Variants in DOCK2 observed in about 807,000 individuals in gnomAD.
The protein encoded by DOCK2 is dedicator of cytokinesis 2, also known as dedicator of cytokinesis protein 2.
DOCK2 carries 87 observed loss-of-function variants against 248.9 expected under a neutral mutation model. The ratio of observed to expected loss-of-function variants is 0.35; its 90% CI spans 0.29 to 0.42. The LOEUF (loss-of-function observed/expected upper bound fraction) is 0.42. Ranked by LOEUF, DOCK2 falls within the 10% of genes least tolerant of loss-of-function variation. The probability of loss-of-function intolerance (pLI) is 1.00; values close to 1 mark genes in which losing one functional copy is unlikely to be tolerated. For synonymous variants in DOCK2, 805 were observed against 821.6 expected (o/e 0.98, Z 0.35); for missense variants, 1,747 against 2,300.2 (o/e 0.76, Z 4.92).
At chr5:169,859,994 A>C (rs1771106570) in intron 27 of DOCK2, among the ~76,000 whole-genome samples, 1 of 129,608 alleles carries the variant, frequency 7.7e-6, no homozygotes, top group African/African-American at 3.0e-5. Flanking sequence ...TTTTTGAGAC[A>C]GACTATTGCT....
At chr5:169,834,759 C>T (rs944496655) in intron 26 of DOCK2, among the ~76,000 whole-genome samples, 5 of 152,250 alleles carry the variant, frequency 3.3e-5, no homozygotes, top group Non-Finnish European at 5.9e-5. Context: ...CATGCTCAGT[C>T]GGTGATCACC....
At chr5:170,066,971 G>A (rs971969662) in intron 44 of DOCK2, among the ~76,000 whole-genome samples, 3 of 152,124 alleles carry the variant, frequency 2.0e-5, no homozygotes, top group Non-Finnish European at 4.4e-5. Flanking sequence ...ACTTTTTGCC[G>A]GTTAGCTTTT....
chr5:169,848,845 G>A (rs144196652), intron 27 of DOCK2, among the ~76,000 whole-genome samples: 76 of 152,266 alleles, frequency 5.0e-4, no homozygotes, highest in Middle Eastern at 3.4e-3. Context: ...CTTTTCCTCT[G>A]CTGCTTCACC....
intron 27 of DOCK2, among the ~76,000 whole-genome samples, chr5:169,855,419 G>T (rs977542348): frequency 6.6e-6 from 1 of 152,208 alleles, no homozygotes. Context: ...AGGAGATGGG[G>T]TTGGGGGAAG....
chr5:169,888,084 G>T (rs1047496343), intron 27 of DOCK2, among the ~76,000 whole-genome samples: 1 of 152,200 alleles, frequency 6.6e-6, no homozygotes, highest in African/African-American at 2.4e-5. Context: ...AACGAATGTG[G>T]AAACTCTCGT....
intron 27 of DOCK2, among the ~76,000 whole-genome samples, chr5:169,918,334 C>T (rs1008757512): frequency 2.6e-5 from 4 of 152,238 alleles, no homozygotes; most frequent in Admixed American, 6.5e-5. Flanking sequence ...TATAACCCAG[C>T]GATTCTTCTG....
In DOCK2 at chr5:169,718,690, T is replaced by G; in HGVS notation, c.2166T>G (p.Asp722Glu). 1 of 1,613,806 alleles carries G rather than the reference T, an allele frequency of 6.2e-7. No individual in the cohort carries two copies. Among genetic ancestry groups the G allele is most frequent in the Non-Finnish European group, 8.5e-7 (1 of 1,179,776 alleles). The change falls in exon 22 of 52, where the codon GAT becomes GAG. Residue 722 changes from aspartate (D) to glutamate (E), a missense_variant. Asp to Glu is a conservative substitution (Grantham distance 45). Transcript: ENST00000520908. ...KLMTVLKTYL[D>E]TSSRGEQCEP... is the part of the protein sequence containing the mutation. Reference sequence around the variant, plus strand: ...TGACAGTGCTGAAGACTTACTTGGATACCTCCAGCAGAGGGGAGCAATGTG... The same window carrying G: ...TGACAGTGCTGAAGACTTACTTGGAGACCTCCAGCAGAGGGGAGCAATGTG...
In DOCK2 at chr5:169,668,790, C is replaced by T. The variant is rs561365485; in HGVS notation, c.128-498C>T. On this transcript the variant is annotated intron_variant, in intron 2 of 51. Transcript: ENST00000520908. ...TTTGTAACGACTAACTTTTGTAAATCGCATTTTAGACACTATTTGCTGCTG... is the reference window on the plus strand; with the variant it reads ...TTTGTAACGACTAACTTTTGTAAATTGCATTTTAGACACTATTTGCTGCTG... 6.3e-4 allele frequency among the ~76,000 whole-genome samples: 96 copies of T among 152,262 alleles called. 3 individuals are homozygous for T. In the South Asian group the frequency reaches 0.019, roughly 30 times the overall value.
intron 1 of DOCK2, among the ~76,000 whole-genome samples, chr5:169,638,858 C>A (rs1016134583): frequency 6.6e-6 from 1 of 152,148 alleles, no homozygotes; most frequent in Non-Finnish European, 1.5e-5. Context: ...ATGGAGCGGG[C>A]CTTAAATTCA....
At chr5:169,950,383 A>C (rs759729503) in intron 27 of DOCK2, among the ~76,000 whole-genome samples, 19 of 152,312 alleles carry the variant, frequency 1.2e-4, no homozygotes, top group South Asian at 4.1e-4. Flanking sequence ...CTCAAAAAAC[A>C]GTAGTATTAT....
At chr5:169,906,363 C>T (rs1162524928) in intron 27 of DOCK2, among the ~76,000 whole-genome samples, 1 of 152,220 alleles carries the variant, frequency 6.6e-6, no homozygotes, top group Middle Eastern at 3.2e-3. Flanking sequence ...AAGCATTAGC[C>T]AGCAAACGGG....
chr5:169,879,707 T>C (rs1295968195), intron 27 of DOCK2, among the ~76,000 whole-genome samples: 1 of 152,196 alleles, frequency 6.6e-6, no homozygotes, highest in Non-Finnish European at 1.5e-5. Context: ...TTGTCACTTT[T>C]AATTCGGTTT....
rs563390739 is a variant in DOCK2 at position 170,041,943 on chromosome 5, A to T, written c.3757-70A>T. The T allele has an allele frequency of 4.4e-4, 683 of 1,563,736 alleles. 12 individuals are homozygous for T. The South Asian group carries it at 7.6e-3, about 17-fold the overall frequency. On this transcript the variant is annotated intron_variant, in intron 37 of 51. Transcript: ENST00000520908. ...TGTTGGCAGGGTGGTTCCTGCCTTT[A>T]ATCCTAGGAAGACACCTGCTCTTGG... is the stretch of plus-strand genomic sequence containing the variant.
intron 14 of DOCK2, among the ~76,000 whole-genome samples, chr5:169,704,773 G>A (rs952539495): frequency 2.6e-4 from 12 of 45,570 alleles, no homozygotes; most frequent in East Asian, 3.2e-3. Flanking sequence ...GTGTGTGTGT[G>A]TGTGTGTGTG....
chr5:169,724,419 C>T (rs1392687310), intron 22 of DOCK2, among the ~76,000 whole-genome samples: 1 of 152,146 alleles, frequency 6.6e-6, no homozygotes, highest in Non-Finnish European at 1.5e-5. Context: ...CAGGGCAGGC[C>T]AGGTGAGCTC....
intron 22 of DOCK2, 128 bp downstream of exon 22, chr5:169,718,919 A>T: frequency 7.8e-7 from 1 of 1,277,746 alleles, no homozygotes; most frequent in Non-Finnish European, 1.1e-6. Flanking sequence ...CAGCTCAAGA[A>T]TCCAACCTAG....
At chr5:169,705,890 CAG>C (rs1761231813) in intron 14 of DOCK2, among the ~76,000 whole-genome samples, 2 of 152,234 alleles carry the variant, frequency 1.3e-5, no homozygotes, top group African/African-American at 2.4e-5. Context: ...GATCCATACT[CAG>C]ATTTTCTTCA....
chr5:169,688,248 G>A (rs1581036779), intron 8 of DOCK2, among the ~76,000 whole-genome samples: 1 of 152,184 alleles, frequency 6.6e-6, no homozygotes, highest in African/African-American at 2.4e-5. Context: ...TTTCCTAGAT[G>A]CATCCAGCTG....
intron 1 of DOCK2, among the ~76,000 whole-genome samples, chr5:169,651,173 C>G (rs895865017): frequency 5.3e-5 from 8 of 152,186 alleles, no homozygotes; most frequent in Admixed American, 3.9e-4. Context: ...GAAGACTAAA[C>G]AGAATTGGGT....
Sources: gnomAD v4.1 joint callset for allele counts (sites outside exome capture counted in the v4.1 genomes callset) on GRCh38, gnomAD v4.1.1 for gene constraint, MANE v1.5 for transcripts, NCBI Gene and HGNC (gene_info 2026-07-23, HGNC 2026-07-21) for gene names.